LMCD1: variants seen among roughly 807,000 people sequenced by gnomAD.
LMCD1 encodes LIM and cysteine rich domains 1, also known as LIM and cysteine-rich domains protein 1.
A neutral mutation model predicts 42.7 loss-of-function variants in LMCD1; 32 were observed. The ratio of observed to expected loss-of-function variants is 0.75; its 90% confidence interval spans 0.57 to 1.01. The LOEUF (loss-of-function observed/expected upper bound fraction) is 1.01, where lower values mean the gene tolerates loss of function less well. LMCD1 is among the 50% of genes least tolerant of loss of function. LMCD1 has a pLI of 0.00. For missense variants in LMCD1, 458 were observed against 483.1 expected, an observed-to-expected ratio of 0.95 and a Z score of 0.49; for synonymous variants, 178 against 184.9, an observed-to-expected ratio of 0.96 and a Z score of 0.30.
intron 3 of LMCD1, among the ~76,000 whole-genome samples, chr3:8,547,797 A>T (rs898612460): frequency 6.6e-6 from 1 of 151,920 alleles, no homozygotes. Flanking sequence ...GAGGCAGGAG[A>T]ATGGCGTGAA....
chr3:8,510,278 C>T (rs1042920261), intron 1 of LMCD1, among the ~76,000 whole-genome samples: 9 of 152,268 alleles, frequency 5.9e-5, no homozygotes, highest in East Asian at 3.9e-4. Flanking sequence ...CCTCCTACCA[C>T]GGCACACGGG....
At position 8,565,508 on chromosome 3, in the gene LMCD1, A is replaced by C. The variant is rs758427160; in HGVS notation, c.800A>C (p.Gln267Pro). ...TCGGACAGGGCAGGCTACAACAAGC[A>C]GTGGCACCCCACCTGCTTTGTGTGT... ...VYSDRAGYNK[Q>P]WHPTCFVCAK... The change falls in exon 5 of 6, where the codon CAG becomes CCG. Residue 267 changes from glutamine (Q) to proline (P), a missense_variant. By Grantham distance (76) the Gln-to-Pro change is moderately conservative. Coordinates refer to ENST00000157600, the MANE Select transcript of LMCD1 (RefSeq NM_014583.4). 2.4e-5 allele frequency: 38 copies of C among 1,614,062 alleles called. No individual in the cohort carries two copies. The highest frequency in any genetic ancestry group is 3.1e-5 in the Non-Finnish European group (37 of 1,180,028).
chr3:8,505,716 C>T (rs1176560321), intron 1 of LMCD1, among the ~76,000 whole-genome samples: 1 of 152,226 alleles, frequency 6.6e-6, no homozygotes, highest in African/African-American at 2.4e-5. Flanking sequence ...TTGCCAGGTC[C>T]ACCTGGATGT....
At chr3:8,512,040 C>A (rs1004953922) in intron 1 of LMCD1, among the ~76,000 whole-genome samples, 1 of 152,210 alleles carries the variant, frequency 6.6e-6, no homozygotes, top group South Asian at 2.1e-4. Context: ...CACACATATA[C>A]GTCCGTGAGA....
chr3:8,555,789 T>G (rs1694925551), intron 4 of LMCD1, among the ~76,000 whole-genome samples: 1 of 141,500 alleles, frequency 7.1e-6, no homozygotes, highest in South Asian at 2.2e-4. Flanking sequence ...TTGGTAAACT[T>G]TTTCTGTACA....
intron 1 of LMCD1, among the ~76,000 whole-genome samples, chr3:8,531,448 A>C (rs926029672): frequency 1.3e-5 from 2 of 152,170 alleles, no homozygotes; most frequent in Non-Finnish European, 2.9e-5. Context: ...AAATAAGAGC[A>C]GTTACCATGT....
At chr3:8,557,147 C>A (rs1694943245) in intron 4 of LMCD1, among the ~76,000 whole-genome samples, 1 of 152,182 alleles carries the variant, frequency 6.6e-6, no homozygotes, top group South Asian at 2.1e-4. Context: ...CATTCTGCAC[C>A]ATAGGGAGCC....
intron 1 of LMCD1, among the ~76,000 whole-genome samples, chr3:8,509,407 C>T (rs1693950396): frequency 6.6e-6 from 1 of 152,032 alleles, no homozygotes; most frequent in Non-Finnish European, 1.5e-5. Context: ...CCATAGCAGC[C>T]CTCCCCTGCT....
chr3:8,508,000 T>A (rs978150292), intron 1 of LMCD1, among the ~76,000 whole-genome samples: 1 of 152,216 alleles, frequency 6.6e-6, no homozygotes, highest in Non-Finnish European at 1.5e-5. Flanking sequence ...TTGATATCTC[T>A]TGGTCACCAC....
chr3:8,514,805 T>A, intron 1 of LMCD1: 1 of 365,724 alleles, frequency 2.7e-6, no homozygotes, highest in Non-Finnish European at 5.5e-6. Context: ...CAGGCAAAAC[T>A]AATCAACAGT....
chr3:8,509,947 G>A (rs774057261), intron 1 of LMCD1, among the ~76,000 whole-genome samples: 1 of 152,178 alleles, frequency 6.6e-6, no homozygotes, highest in Non-Finnish European at 1.5e-5. Context: ...TTCCTACAGC[G>A]ATACAGTGGT....
chr3:8,502,601 C>T (rs2125006429), intron 1 of LMCD1, among the ~76,000 whole-genome samples: 2 of 126,920 alleles, frequency 1.6e-5, no homozygotes, highest in Middle Eastern at 3.8e-3. Flanking sequence ...CACACACACA[C>T]ACACACGCAC....
At chr3:8,555,955 G>A (rs1486235112) in intron 4 of LMCD1, among the ~76,000 whole-genome samples, 1 of 152,054 alleles carries the variant, frequency 6.6e-6, no homozygotes, top group Non-Finnish European at 1.5e-5. Flanking sequence ...AACAGGCGGT[G>A]GGCTAGATTT....
rs1346686648 is a variant in LMCD1 at position 8,559,949 on chromosome 3, A to G, written c.724-5483A>G. On this transcript the variant is annotated intron_variant, in intron 4 of 5. Transcript: ENST00000157600. Reference sequence around the variant, plus strand: ...GGATGCTAGGGAGAACAGTGAGGGAAGAAATGCTCCTCCAAGAGGGGCTTC... The same window carrying G: ...GGATGCTAGGGAGAACAGTGAGGGAGGAAATGCTCCTCCAAGAGGGGCTTC... 6.6e-5 allele frequency among the ~76,000 whole-genome samples: 10 copies of G among 152,352 alleles called. No homozygotes were observed. The East Asian group carries it at 1.9e-3, about 29-fold the overall frequency.
chr3:8,526,647 G>T (rs149587098), intron 1 of LMCD1, among the ~76,000 whole-genome samples: 1 of 152,186 alleles, frequency 6.6e-6, no homozygotes, highest in Non-Finnish European at 1.5e-5. Context: ...TCATAGGTCT[G>T]GGGTGAGGCT....
intron 3 of LMCD1, among the ~76,000 whole-genome samples, chr3:8,539,583 G>A (rs1694578132): frequency 6.6e-6 from 1 of 152,108 alleles, no homozygotes; most frequent in African/African-American, 2.4e-5. Context: ...TGAAAGAGCT[G>A]GCTGCGGGCT....
In LMCD1 at chr3:8,527,236, C is replaced by A. The variant is rs79486419; in HGVS notation, c.43-5501C>A. Among the ~76,000 whole-genome samples the A allele has an allele frequency of 4.0e-3, 616 of 152,256 alleles. 17 individuals are homozygous for A. In the East Asian group the frequency reaches 0.042, roughly 10 times the overall value. ...CATGATCACTGGGAAAGATAAAACA[C>A]TTTTGATTAAAGGCCAGTATAGGAA... On this transcript the variant is annotated intron_variant, in intron 1 of 5. Transcript: ENST00000157600.
chr3:8,502,338 T>TATATATAAAATATATA (rs1693759671), intron 1 of LMCD1, among the ~76,000 whole-genome samples: 1 of 36,632 alleles, frequency 2.7e-5, no homozygotes, highest in Non-Finnish European at 4.8e-5. Context: ...TAATATATAT[T>TATATATAAAATATATA]ATATATAAAA....
intron 1 of LMCD1, among the ~76,000 whole-genome samples, chr3:8,525,872 T>A (rs1472620896): frequency 6.6e-6 from 1 of 152,112 alleles, no homozygotes; most frequent in Non-Finnish European, 1.5e-5. Context: ...TGTGGCAAAA[T>A]TTGCCTGGAA....
Sources: gnomAD v4.1 joint callset for allele counts (sites outside exome capture counted in the v4.1 genomes callset) on GRCh38, gnomAD v4.1.1 for gene constraint, MANE v1.5 for transcripts, NCBI Gene and HGNC (gene_info 2026-07-23, HGNC 2026-07-21) for gene names.